The following AKT3 variants were observed in gnomAD, a reference collection of about 807,000 sequenced individuals.
The protein encoded by AKT3 is RAC-gamma serine/threonine-protein kinase.
A neutral mutation model predicts 65.3 loss-of-function variants in AKT3; 15 were observed. That is an observed-to-expected ratio of 0.23 (90% CI 0.15 to 0.35). The LOEUF is 0.35. Ranked by LOEUF, AKT3 falls within the 10% of genes least tolerant of loss-of-function variation. The pLI is 1.00. For synonymous variants in AKT3, 206 were observed against 183.8 expected (o/e 1.12, Z -0.98); for missense variants, 243 against 576.5 (o/e 0.42, Z 5.92).
intron 5 of AKT3, among the ~76,000 whole-genome samples, chr1:243,641,766 C>G (rs1680410814): frequency 6.6e-6 from 1 of 151,948 alleles, no homozygotes; most frequent in South Asian, 2.1e-4. Flanking sequence ...AAAACCCTGT[C>G]TCTACAAAAA....
At chr1:243,682,329 T>C (rs930100604) in intron 3 of AKT3, among the ~76,000 whole-genome samples, 1 of 152,052 alleles carries the variant, frequency 6.6e-6, no homozygotes, top group African/African-American at 2.4e-5. Flanking sequence ...AAAATAAATA[T>C]ATAAAGAGAT....
At chr1:243,545,261 A>T (rs1384281752) in intron 12 of AKT3, among the ~76,000 whole-genome samples, 1 of 152,220 alleles carries the variant, frequency 6.6e-6, no homozygotes, top group Admixed American at 6.5e-5. Context: ...AATGAGAGGC[A>T]AACAAATTAT....
intron 2 of AKT3, among the ~76,000 whole-genome samples, chr1:243,749,512 C>A (rs184874248): frequency 6.6e-6 from 1 of 152,244 alleles, no homozygotes; most frequent in Admixed American, 6.5e-5. Flanking sequence ...AGAATACCCC[C>A]TTTACTTATA....
rs1325762779 is a variant in AKT3, at chr1:243,563,457, A to G, written c.948+263T>C. 2.6e-5 allele frequency among the ~76,000 whole-genome samples: 4 copies of G among 152,218 alleles called. No individual in the cohort carries two copies. The South Asian group carries it at 8.3e-4, about 31-fold the overall frequency. ...GAATCAAAATGGGTATAGCCAAGAT[A>G]AAATGGATATGGCCAAGAAATAAAA... On this transcript the variant is annotated intron_variant, in intron 10 of 13. Coordinates refer to ENST00000673466, the MANE Select transcript of AKT3 (RefSeq NM_005465.7).
chr1:243,606,798 T>C (rs1464885037), intron 8 of AKT3, among the ~76,000 whole-genome samples: 2 of 152,190 alleles, frequency 1.3e-5, no homozygotes, highest in African/African-American at 4.8e-5. Flanking sequence ...AACAGTTTTG[T>C]GGGCCAGGGC....
intron 2 of AKT3, among the ~76,000 whole-genome samples, chr1:243,802,631 G>A (rs1294410308): frequency 2.0e-5 from 3 of 151,894 alleles, no homozygotes; most frequent in Non-Finnish European, 4.4e-5. Context: ...TTATATTTTT[G>A]TGTAACCCAA....
intron 2 of AKT3, among the ~76,000 whole-genome samples, chr1:243,753,885 A>T (rs1415568919): frequency 1.3e-5 from 2 of 152,220 alleles, no homozygotes; most frequent in African/African-American, 4.8e-5. Context: ...TATAAAGCAA[A>T]GATGGAGAAG....
chr1:243,586,279 T>C (rs550502393), intron 8 of AKT3, among the ~76,000 whole-genome samples: 238 of 152,302 alleles, frequency 1.6e-3, no homozygotes, highest in Non-Finnish European at 2.7e-3. Flanking sequence ...AAGGGGATGC[T>C]TGTAACACTG....
At chr1:243,528,281 C>A (rs1417788579) in intron 12 of AKT3, among the ~76,000 whole-genome samples, 1 of 152,168 alleles carries the variant, frequency 6.6e-6, no homozygotes, top group Admixed American at 6.5e-5. Flanking sequence ...TCTACATGCT[C>A]CCTTTAGCTA....
intron 6 of AKT3, among the ~76,000 whole-genome samples, chr1:243,636,332 A>G (rs1023941776): frequency 1.3e-5 from 2 of 152,014 alleles, no homozygotes; most frequent in African/African-American, 4.8e-5. Flanking sequence ...AACCCTGAAA[A>G]TAACCATATG....
intron 5 of AKT3, among the ~76,000 whole-genome samples, chr1:243,642,457 C>A (rs1296869992): frequency 6.6e-6 from 1 of 152,144 alleles, no homozygotes; most frequent in East Asian, 1.9e-4. Context: ...CTACAGGCGC[C>A]CGCCACCACG....
intron 2 of AKT3, among the ~76,000 whole-genome samples, chr1:243,840,842 T>C (rs1304877207): frequency 6.6e-6 from 1 of 152,004 alleles, no homozygotes; most frequent in Non-Finnish European, 1.5e-5. Context: ...GAAGGTAGGA[T>C]CAGTATTAAA....
Position 243,751,148 on chromosome 1 carries a change from C to CA in AKT3, c.47-55433dup, listed in dbSNP as rs201654564. Among the ~76,000 whole-genome samples the CA allele has an allele frequency of 4.5e-3, 634 of 139,824 alleles. 3 individuals are homozygous for CA. Among genetic ancestry groups the CA allele is most frequent in the African/African-American group, 0.014 (534 of 38,390 alleles). 91.7% of individuals were successfully genotyped at this position (139,824 alleles called of 152,430 possible). A position where few individuals can be genotyped will look rare whatever the true frequency, so the allele number is the denominator to read the frequency against. On this transcript the variant is annotated intron_variant, in intron 2 of 13. Transcript: ENST00000673466. ...CAACATAATTTTCTTAAATGCTTCT[C>CA]AAAAAAAAAAAGACTCTGAAAGAGA...
intron 8 of AKT3, among the ~76,000 whole-genome samples, chr1:243,592,131 C>G (rs138645612): frequency 6.6e-6 from 1 of 151,918 alleles, no homozygotes; most frequent in Non-Finnish European, 1.5e-5. Flanking sequence ...GTCAGGAGAT[C>G]GAGACCATCC....
chr1:243,491,701 G>A (rs913673156), intron 13 of AKT3, among the ~76,000 whole-genome samples: 5 of 152,208 alleles, frequency 3.3e-5, no homozygotes, highest in Non-Finnish European at 7.3e-5. Context: ...TGATGTGGGC[G>A]AGGCTGCTGT....
At chr1:243,766,617 A>G (rs1238434584) in intron 2 of AKT3, among the ~76,000 whole-genome samples, 1 of 152,178 alleles carries the variant, frequency 6.6e-6, no homozygotes, top group Non-Finnish European at 1.5e-5. Context: ...GCCACTCAAG[A>G]GCTTGAATTC....
intron 8 of AKT3, among the ~76,000 whole-genome samples, chr1:243,583,514 C>A (rs760014258): frequency 5.7e-5 from 8 of 141,122 alleles, no homozygotes; most frequent in Non-Finnish European, 9.1e-5. Context: ...CAAGACTGAC[C>A]ACATGCTCGT....
intron 2 of AKT3, among the ~76,000 whole-genome samples, chr1:243,829,376 T>C (rs1694364694): frequency 6.6e-6 from 1 of 152,192 alleles, no homozygotes; most frequent in South Asian, 2.1e-4. Context: ...AATGGTCTCC[T>C]TGAATGGGAA....
chr1:243,836,218 AATC>A, intron 2 of AKT3, among the ~76,000 whole-genome samples: 1 of 152,286 alleles, frequency 6.6e-6, no homozygotes, highest in South Asian at 2.1e-4. Flanking sequence ...TGCAAACACT[AATC>A]ATAAAAAATC....
Sources: allele counts gnomAD v4.1 joint callset (sites outside exome capture counted in the v4.1 genomes callset), GRCh38; gene constraint gnomAD v4.1.1; transcripts MANE v1.5; gene names NCBI Gene and HGNC (gene_info 2026-07-23, HGNC 2026-07-21).